DAPK3: variants seen among roughly 807,000 people sequenced by gnomAD.
DAPK3 encodes death associated protein kinase 3.
DAPK3 carries 24 observed loss-of-function variants against 30.6 expected under a neutral mutation model. The observed-to-expected ratio is 0.78, with a 90% confidence interval of 0.57 to 1.10. The LOEUF is 1.10. DAPK3 is among the 50% of genes least tolerant of loss of function. The probability of loss-of-function intolerance (pLI) is 0.00; values close to 1 mark genes in which losing one functional copy is unlikely to be tolerated. For missense variants in DAPK3, 629 were observed against 657.3 expected (o/e 0.96, Z 0.47); for synonymous variants, 341 against 284.0 (o/e 1.20, Z -2.02).
chr19:3,970,430 C>T (rs1255226252), intron 1 of DAPK3, among the ~76,000 whole-genome samples: 2 of 152,054 alleles, frequency 1.3e-5, no homozygotes, highest in African/African-American at 2.4e-5. Flanking sequence ...CTACCTTAAC[C>T]CCTCCTGGTC....
intron 2 of DAPK3, 107 bp downstream of exon 2, chr19:3,969,567 T>C: frequency 1.3e-6 from 1 of 754,138 alleles, no homozygotes; most frequent in Non-Finnish European, 2.3e-6. Context: ...GACTCATTCC[T>C]TCTCAGCATA....
chr19:3,964,215 C>A (rs1296978423), intron 4 of DAPK3, 29 bp downstream of exon 4: 1 of 1,580,980 alleles, frequency 6.3e-7, no homozygotes, highest in South Asian at 1.1e-5. Context: ...CCTCCCCAGG[C>A]CGGGGCTGCC....
rs1260145557 is a variant in DAPK3, at chr19:3,958,587, G to C, written c.*514C>G. On this transcript the variant is annotated 3_prime_UTR_variant, in exon 9 of 9. Coordinates refer to ENST00000545797, the MANE Select transcript of DAPK3 (RefSeq NM_001348.3). ...ACACCCGGGGGACCGGCCTCGGCGA[G>C]AAGGGCACACAGTGGAAGACCCCAC... 3 of 449,428 alleles carry C rather than the reference G, an allele frequency of 6.7e-6. No homozygotes were observed. The highest frequency in any genetic ancestry group is 2.4e-5 in the Admixed American group (1 of 41,840). The allele number at this position is 449,428 out of a possible 1,614,324, so 27.8% of individuals were successfully genotyped here.
rs1049174526 is a variant in DAPK3, at chr19:3,969,867, G to C, written c.-94-38C>G. The stretch of plus-strand genomic sequence containing the variant: ...GGGAAAGACAGAAGTGAGGAACTGA[G>C]ACACCACCCTTTTCTCCTAGATTAA... On this transcript the variant is annotated intron_variant, in intron 1 of 8. Transcript: ENST00000545797. 14 of 655,226 alleles carry C rather than the reference G, an allele frequency of 2.1e-5. No individual in the cohort carries two copies. The African/African-American group carries it at 2.5e-4, about 12-fold the overall frequency. 40.6% of individuals were successfully genotyped at this position (655,226 alleles called of 1,614,324 possible).
Position 3,964,935 on chromosome 19 carries a change from GCGTACTCCTTGCC to G in DAPK3, c.106_118del (p.Gly36GlnfsTer17). The G allele has an allele frequency of 1.2e-6, 2 of 1,612,154 alleles. No homozygotes were observed. The highest frequency in any genetic ancestry group is 4.5e-5 in the East Asian group (2 of 44,836). On this transcript the variant is annotated frameshift_variant, in exon 3 of 9. Coordinates refer to ENST00000545797, the MANE Select transcript of DAPK3 (RefSeq NM_001348.3). LOFTEE classifies it high-confidence loss of function. ...GCGGCGCTTCTTGATGAACTTGGCT[GCGTACTCCTTGCC>G]CGTGCCCTTCTGCCGGCACTTCCGC...
chr19:3,965,015 T>A, intron 2 of DAPK3, 24 bp from the exon 3 acceptor site: 1 of 1,367,544 alleles, frequency 7.3e-7, no homozygotes, highest in Non-Finnish European at 1.0e-6. Context: ...AGGGAGTGAG[T>A]GGGGGTGGAG....
chr19:3,965,030 C>T (rs535812212), intron 2 of DAPK3, 39 bp from the exon 3 acceptor site: 3 of 1,179,822 alleles, frequency 2.5e-6, no homozygotes, highest in African/African-American at 1.5e-5. Flanking sequence ...GTGGAGGAGG[C>T]GGAGGGAGTA....
At chr19:3,963,176 G>A (rs1401635818) in intron 6 of DAPK3, among the ~76,000 whole-genome samples, 1 of 152,098 alleles carries the variant, frequency 6.6e-6, no homozygotes, top group African/African-American at 2.4e-5. Context: ...AGGAGGCTGA[G>A]GTGGGAGGAT....
At chr19:3,969,893 T>C (rs1381379579) in intron 1 of DAPK3, 64 bp from the exon 2 acceptor site, 17 of 616,260 alleles carry the variant, frequency 2.8e-5, no homozygotes, top group Non-Finnish European at 5.8e-6. Context: ...CCTAGATTAA[T>C]GGACAGACCT....
intron 2 of DAPK3, among the ~76,000 whole-genome samples, chr19:3,967,574 G>A (rs1190331980): frequency 6.6e-6 from 1 of 152,150 alleles, no homozygotes; most frequent in African/African-American, 2.4e-5. Context: ...GGCCAACATG[G>A]CAAAACCCCG....
chr19:3,964,099 G>A, intron 4 of DAPK3, 145 bp downstream of exon 4: 2 of 858,966 alleles, frequency 2.3e-6, no homozygotes, highest in Non-Finnish European at 1.8e-6. Context: ...TGGAGGCCCA[G>A]ACCTCCCGCA....
chr19:3,962,859 G>C (rs2145333458), intron 6 of DAPK3, among the ~76,000 whole-genome samples: 1 of 150,836 alleles, frequency 6.6e-6, no homozygotes, highest in Admixed American at 6.6e-5. Flanking sequence ...CCAGCACTTT[G>C]GGAAGCCGAG....
At chr19:3,960,816 A>AC (rs1213782909) in intron 7 of DAPK3, among the ~76,000 whole-genome samples, 193 bp downstream of exon 7, 2 of 150,930 alleles carry the variant, frequency 1.3e-5, no homozygotes, top group Non-Finnish European at 3.0e-5. Flanking sequence ...AAAAAAAAAA[A>AC]AAAAAAAACC....
rs1277421054 is a variant in DAPK3 at position 3,964,970 on chromosome 19, CCGCACGA to C, written c.77_83del (p.Ile26ArgfsTer29). On this transcript the variant is annotated frameshift_variant, in exon 3 of 9. Coordinates refer to ENST00000545797, the MANE Select transcript of DAPK3 (RefSeq NM_001348.3). LOFTEE classifies it high-confidence loss of function. ...TGCCCGTGCCCTTCTGCCGGCACTT[CCGCACGA>C]TCGCAAACTGGCCGCTGGAGGAGGG... The C allele has an allele frequency of 6.2e-7, 1 of 1,607,544 alleles. No homozygotes were observed. Among genetic ancestry groups the C allele is most frequent in the Non-Finnish European group, 8.5e-7 (1 of 1,176,336 alleles).
At chr19:3,968,955 G>GC (rs2039607343) in intron 2 of DAPK3, among the ~76,000 whole-genome samples, 1 of 152,224 alleles carries the variant, frequency 6.6e-6, no homozygotes, top group Admixed American at 6.5e-5. Flanking sequence ...GCCCAGACAG[G>GC]CAGGAAATCA....
intron 7 of DAPK3, 129 bp from the exon 8 acceptor site, chr19:3,960,233 CT>C (rs2039494196): frequency 1.5e-6 from 1 of 653,008 alleles, no homozygotes; most frequent in African/African-American, 1.9e-5. Flanking sequence ...ACCACAGAAG[CT>C]GAACAAGGGT....
intron 2 of DAPK3, among the ~76,000 whole-genome samples, chr19:3,965,601 T>C (rs1173405420): frequency 6.6e-6 from 1 of 152,158 alleles, no homozygotes; most frequent in Non-Finnish European, 1.5e-5. Flanking sequence ...CTGGGCAACG[T>C]AGCAAGATCC....
At chr19:3,968,387 C>T (rs2039600304) in intron 2 of DAPK3, among the ~76,000 whole-genome samples, 1 of 151,614 alleles carries the variant, frequency 6.6e-6, no homozygotes, top group Non-Finnish European at 1.5e-5. Context: ...CCCAGCTACT[C>T]GGGAGGCTAG....
At chr19:3,964,101 C>A (rs2039548250) in intron 4 of DAPK3, 143 bp downstream of exon 4, 2 of 865,618 alleles carry the variant, frequency 2.3e-6, no homozygotes, top group South Asian at 3.3e-5. Context: ...GAGGCCCAGA[C>A]CTCCCGCAAA....
Sources: allele counts gnomAD v4.1 joint callset (sites outside exome capture counted in the v4.1 genomes callset), GRCh38; gene constraint gnomAD v4.1.1; transcripts MANE v1.5; gene names NCBI Gene and HGNC (gene_info 2026-07-23, HGNC 2026-07-21).